The following SAMD3 variants were observed in gnomAD, a reference collection of about 807,000 sequenced individuals.
The protein encoded by SAMD3 is sterile alpha motif domain containing 3, also known as sterile alpha motif domain-containing protein 3.
SAMD3 carries 63 observed loss-of-function variants against 58.5 expected under a neutral mutation model. The ratio of observed to expected loss-of-function variants is 1.08; its 90% confidence interval spans 0.88 to 1.33. The LOEUF is 1.33. Ranked by LOEUF, SAMD3 falls within the 40% of genes most tolerant of loss-of-function variation. The pLI, the probability that SAMD3 is intolerant of heterozygous loss-of-function variation, is 0.00. For missense variants in SAMD3, 604 were observed against 608.4 expected (o/e 0.99, Z 0.08); for synonymous variants, 220 against 210.3 (o/e 1.05, Z -0.40).
At chr6:130,236,633 T>C (rs546770365) in intron 2 of SAMD3, among the ~76,000 whole-genome samples, 1 of 152,274 alleles carries the variant, frequency 6.6e-6, no homozygotes, top group Middle Eastern at 3.4e-3. Flanking sequence ...CCACCCATCA[T>C]GGCCTCTCAA....
intron 1 of SAMD3, among the ~76,000 whole-genome samples, chr6:130,358,620 GA>G (rs1003178654): frequency 2.6e-5 from 4 of 151,698 alleles, no homozygotes; most frequent in East Asian, 1.9e-4. Context: ...AATTTTGAAA[GA>G]AAAAAATTGT....
chr6:130,335,113 C>T (rs1184654977), intron 1 of SAMD3, among the ~76,000 whole-genome samples: 1 of 152,216 alleles, frequency 6.6e-6, no homozygotes, highest in African/African-American at 2.4e-5. Flanking sequence ...GTTGGCTTTC[C>T]TATTCCCAAA....
At chr6:130,362,798 C>T (rs931310042) in intron 1 of SAMD3, among the ~76,000 whole-genome samples, 3 of 152,172 alleles carry the variant, frequency 2.0e-5, no homozygotes, top group African/African-American at 4.8e-5. Context: ...GTTACTTGCA[C>T]ATTTAATGAA....
intron 2 of SAMD3, chr6:130,215,922 C>A (rs1211320735): frequency 1.6e-6 from 2 of 1,250,012 alleles, no homozygotes; most frequent in Non-Finnish European, 1.1e-6. Context: ...TCCTTCCTTC[C>A]AATACTATTC....
At chr6:130,207,169 A>AAAAAAAAAAG (rs761201989) in intron 5 of SAMD3, among the ~76,000 whole-genome samples, 1 of 140,912 alleles carries the variant, frequency 7.1e-6, no homozygotes, top group African/African-American at 2.7e-5. Context: ...CAAAAAAAAA[A>AAAAAAAAAAG]AAAGAAAAAA....
At chr6:130,230,634 T>A (rs974427012) in intron 2 of SAMD3, among the ~76,000 whole-genome samples, 3 of 152,174 alleles carry the variant, frequency 2.0e-5, no homozygotes, top group African/African-American at 7.2e-5. Flanking sequence ...GTGATCCACC[T>A]GCCTCGGTCT....
intron 9 of SAMD3, among the ~76,000 whole-genome samples, chr6:130,147,833 T>G (rs1241551730): frequency 6.6e-6 from 1 of 152,228 alleles, no homozygotes; most frequent in Non-Finnish European, 1.5e-5. Context: ...TGACGGTTTC[T>G]GAAAAGTGGA....
At chr6:130,229,354 A>G (rs1345376565) in intron 2 of SAMD3, among the ~76,000 whole-genome samples, 1 of 152,208 alleles carries the variant, frequency 6.6e-6, no homozygotes, top group Non-Finnish European at 1.5e-5. Context: ...CGTAGACTTC[A>G]TGACACAGCC....
In SAMD3 at chr6:130,184,515, C is replaced by T; in HGVS notation, c.492G>A (p.Lys164=). 1 of 1,614,188 alleles carries T rather than the reference C, an allele frequency of 6.2e-7. No individual in the cohort carries two copies. Among genetic ancestry groups the T allele is most frequent in the East Asian group, 2.2e-5 (1 of 44,886 alleles). The stretch of plus-strand genomic sequence containing the variant: ...TTATCCTCATGCTGTGATCCGGGCA[C>T]TTCTGCTCTGCTAACATGCATTTGA... The part of the protein sequence containing the change: ...YDVKCMLAEQ[K]CPDHSMRIRI... Residue 164 remains lysine, a synonymous_variant, in exon 6 of 12, where the codon AAG becomes AAA. Transcript: ENST00000439090.
intron 2 of SAMD3, among the ~76,000 whole-genome samples, chr6:130,275,329 G>A (rs1774737742): frequency 6.6e-6 from 1 of 152,062 alleles, no homozygotes; most frequent in Non-Finnish European, 1.5e-5. Flanking sequence ...TTGACATAAT[G>A]ATAAGCCATA....
intron 2 of SAMD3, among the ~76,000 whole-genome samples, chr6:130,249,438 G>A (rs1483290288): frequency 6.6e-6 from 1 of 152,066 alleles, no homozygotes; most frequent in African/African-American, 2.4e-5. Context: ...TTATCTTAAC[G>A]TTTTGCAGCT....
chr6:130,306,435 C>T (rs1043797221), intron 2 of SAMD3, among the ~76,000 whole-genome samples: 4 of 152,178 alleles, frequency 2.6e-5, no homozygotes, highest in East Asian at 1.9e-4. Flanking sequence ...ATGTTTGCTA[C>T]GATTCTGAGG....
chr6:130,175,104 A>G (rs942863207), intron 8 of SAMD3, among the ~76,000 whole-genome samples: 2 of 152,242 alleles, frequency 1.3e-5, no homozygotes, highest in Non-Finnish European at 1.5e-5. Flanking sequence ...TTGGATCAAG[A>G]TAGAAACAGA....
chr6:130,247,672 C>CAAA (rs946289467), intron 2 of SAMD3, among the ~76,000 whole-genome samples: 97 of 152,232 alleles, frequency 6.4e-4, no homozygotes, highest in African/African-American at 2.3e-3. Context: ...CATAAGAGAA[C>CAAA]AAAGCCAGGT....
intron 1 of SAMD3, among the ~76,000 whole-genome samples, chr6:130,355,388 C>CA (rs1389717128): frequency 6.6e-6 from 1 of 152,136 alleles, no homozygotes; most frequent in Non-Finnish European, 1.5e-5. Context: ...TGCACCACTG[C>CA]ACTCCAGCCT....
intron 5 of SAMD3, among the ~76,000 whole-genome samples, chr6:130,191,772 A>G (rs1020743710): frequency 6.6e-6 from 1 of 152,190 alleles, no homozygotes; most frequent in African/African-American, 2.4e-5. Flanking sequence ...TTCTATGAGA[A>G]AAATAAAAGT....
chr6:130,153,617 G>A (rs921279637), intron 9 of SAMD3, among the ~76,000 whole-genome samples: 15 of 135,530 alleles, frequency 1.1e-4, no homozygotes, highest in Non-Finnish European at 2.2e-4. Context: ...CTAAATGGAA[G>A]GGTATTTGAT....
intron 1 of SAMD3, among the ~76,000 whole-genome samples, chr6:130,333,971 C>T (rs1777024678): frequency 6.6e-6 from 1 of 152,238 alleles, no homozygotes; most frequent in African/African-American, 2.4e-5. Flanking sequence ...TGCCAAGGAG[C>T]TATGCTCAGG....
intron 2 of SAMD3, among the ~76,000 whole-genome samples, chr6:130,234,114 A>T (rs1796619293): frequency 6.6e-6 from 1 of 152,222 alleles, no homozygotes; most frequent in Non-Finnish European, 1.5e-5. Flanking sequence ...TCTAACTCTC[A>T]TCCTTCCTTG....
Sources: gnomAD v4.1 joint callset for allele counts (sites outside exome capture counted in the v4.1 genomes callset) on GRCh38, gnomAD v4.1.1 for gene constraint, MANE v1.5 for transcripts, NCBI Gene and HGNC (gene_info 2026-07-23, HGNC 2026-07-21) for gene names.